Variants in MUC7 observed in about 807,000 individuals in gnomAD.
The protein encoded by MUC7 is mucin 7, secreted.
MUC7 carries 2 observed loss-of-function variants against 2.5 expected under a neutral mutation model. The ratio of observed to expected loss-of-function variants is 0.81; its 90% CI spans 0.33 to 2.55. MUC7 has a LOEUF of 2.55. MUC7 is among the 30% of genes most tolerant of loss of function. The pLI is 0.11. For synonymous variants in MUC7, 133 were observed against 173.4 expected (o/e 0.77, Z 1.83); for missense variants, 408 against 455.6 (o/e 0.90, Z 0.95).
At chr4:70,470,578 A>T (rs2130651), upstream of MUC7, among the ~76,000 whole-genome samples, 30,147 of 152,024 alleles carry the variant, frequency 0.2, 3,559 homozygotes, top group African/African-American at 0.32. Context: ...TAATTAGACA[A>T]TTTTTGAAAT....
At chr4:70,473,756 G>GA (rs1734909085) in intron 1 of MUC7, among the ~76,000 whole-genome samples, 1 of 152,084 alleles carries the variant, frequency 6.6e-6, no homozygotes, top group Admixed American at 6.5e-5. Context: ...AATATCAATA[G>GA]AAAATGCTCA....
At chr4:70,466,513 C>A (rs11937256) in intron 1 of MUC7, among the ~76,000 whole-genome samples, 51,682 of 151,678 alleles carry the variant, frequency 0.34, 9,532 homozygotes, top group East Asian at 0.59. Context: ...TTCAGGAGAC[C>A]CATCTTATGT....
chr4:70,460,128 C>T (rs1266196470), intron 1 of MUC7, among the ~76,000 whole-genome samples: 4 of 151,920 alleles, frequency 2.6e-5, no homozygotes, highest in African/African-American at 9.7e-5. Flanking sequence ...CTAGATCCTT[C>T]GCTGCTTTAG....
chr4:70,470,778 T>A (rs1734816288), upstream of MUC7, among the ~76,000 whole-genome samples: 2 of 152,266 alleles, frequency 1.3e-5, no homozygotes, highest in African/African-American at 4.8e-5. Context: ...CAAAAAAAGA[T>A]GAAAAGAAAT....
chr4:70,461,457 AGGAATAATATCTTTTG>A lies in MUC7; in HGVS notation c.-92-10755_-92-10740del, dbSNP rs1734554019. ...TTTTACTGATTTTCCAGTAGAATTA[AGGAATAATATCTTTTG>A]GGTATACTCTGCCTCCCTATTCTTG... On this transcript the variant is annotated intron_variant, in intron 1 of 3. Coordinates refer to the MUC7 transcript ENST00000413702. Among the ~76,000 whole-genome samples the A allele has an allele frequency of 3.3e-5, 5 of 152,334 alleles. No individual in the cohort carries two copies. The South Asian group carries it at 1.0e-3, about 32-fold the overall frequency.
At position 70,433,890 on chromosome 4, in the gene MUC7, A is replaced by T. The variant is rs144697048; in HGVS notation, c.-93+3203A>T. Among the ~76,000 whole-genome samples the T allele has an allele frequency of 2.0e-5, 3 of 152,214 alleles. No homozygotes were observed. In the South Asian group the frequency reaches 6.2e-4, roughly 32 times the overall value. On this transcript the variant is annotated intron_variant, in intron 1 of 3. Coordinates refer to the MUC7 transcript ENST00000413702. ...CATAAATAGCTCTTATTAATTTGAC[A>T]TATGTTCCATCAATACCTAGTTTAC... is the stretch of plus-strand genomic sequence containing the variant.
At chr4:70,478,325 GTACCTGCCATA>G (rs1383748370) in intron 2 of MUC7, among the ~76,000 whole-genome samples, 1 of 152,124 alleles carries the variant, frequency 6.6e-6, no homozygotes, top group Non-Finnish European at 1.5e-5. Context: ...TAGCTAATGA[GTACCTGCCATA>G]TGCCAGGCAT....
intron 1 of MUC7, among the ~76,000 whole-genome samples, chr4:70,444,801 C>A (rs1431490074): frequency 6.6e-6 from 1 of 152,112 alleles, no homozygotes; most frequent in Non-Finnish European, 1.5e-5. Flanking sequence ...CCTGTAATCC[C>A]AGCACTTTGG....
chr4:70,433,527 G>C (rs1265104926), intron 1 of MUC7, among the ~76,000 whole-genome samples: 8 of 151,930 alleles, frequency 5.3e-5, no homozygotes, highest in Non-Finnish European at 8.8e-5. Context: ...TTTTCTCTCA[G>C]TTTGTTATTG....
intron 1 of MUC7, among the ~76,000 whole-genome samples, chr4:70,455,893 C>A (rs936478958): frequency 1.3e-5 from 2 of 152,156 alleles, no homozygotes; most frequent in Non-Finnish European, 2.9e-5. Context: ...TCACCCTTCA[C>A]CACCCTCTTC....
intron 1 of MUC7, among the ~76,000 whole-genome samples, chr4:70,432,331 C>G (rs188242792): frequency 2.4e-4 from 36 of 152,318 alleles, no homozygotes; most frequent in Middle Eastern, 3.4e-3. Flanking sequence ...ACACTGTCTT[C>G]TATAATGGTT....
chr4:70,452,250 T>A (rs1734297353), intron 1 of MUC7, among the ~76,000 whole-genome samples: 1 of 152,200 alleles, frequency 6.6e-6, no homozygotes, highest in South Asian at 2.1e-4. Flanking sequence ...TCCATTTACA[T>A]TCAATGTTAT....
chr4:70,467,747 C>T (rs1734717669), upstream of MUC7, among the ~76,000 whole-genome samples: 1 of 152,160 alleles, frequency 6.6e-6, no homozygotes, highest in Non-Finnish European at 1.5e-5. Context: ...ATAACAAGTT[C>T]TGAAACTGAG....
intron 1 of MUC7, among the ~76,000 whole-genome samples, chr4:70,461,740 T>A (rs1309939058): frequency 6.6e-6 from 1 of 152,004 alleles, no homozygotes; most frequent in African/African-American, 2.4e-5. Context: ...CTTTTAAGAT[T>A]TGTAGATTAG....
intron 1 of MUC7, among the ~76,000 whole-genome samples, chr4:70,464,036 C>A (rs1400656841): frequency 6.6e-6 from 1 of 152,168 alleles, no homozygotes; most frequent in Non-Finnish European, 1.5e-5. Context: ...TTCTGCATTT[C>A]CAACTGAGAT....
At chr4:70,467,992 G>A (rs958103613), upstream of MUC7, among the ~76,000 whole-genome samples, 34 of 152,168 alleles carry the variant, frequency 2.2e-4, no homozygotes, top group Admixed American at 2.0e-3. Context: ...GATGAACATC[G>A]ATGCAAAAAT....
rs1431943560 is a variant in MUC7 at position 70,474,042 on chromosome 4, T to G, written c.21T>G (p.Phe7Leu). 5.6e-6 allele frequency: 9 copies of G among 1,613,358 alleles called. No homozygotes were observed. Among genetic ancestry groups the G allele is most frequent in the Admixed American group, 1.7e-5 (1 of 60,008 alleles). The change falls in exon 2 of 3, where the codon TTT (phenylalanine) becomes TTG (leucine). Residue 7 changes from phenylalanine to leucine, a missense_variant. Transcript: ENST00000304887. The part of the protein sequence containing the change: MKTLPL[F>L]VCICALSACF... ...AAAGAATGAAAACTCTGCCGCTGTT[T>G]GTGTGCATCTGTGCACTGAGTGCTT...
At chr4:70,451,156 G>T (rs1734270480) in intron 1 of MUC7, among the ~76,000 whole-genome samples, 1 of 152,178 alleles carries the variant, frequency 6.6e-6, no homozygotes, top group South Asian at 2.1e-4. Context: ...TCTGGCTAGG[G>T]CTGGTTTAAA....
Position 70,481,165 on chromosome 4 carries a change from T to A in MUC7, c.421T>A (p.Ser141Thr), listed in dbSNP as rs757630374. 1.8e-5 allele frequency: 29 copies of A among 1,614,010 alleles called. No homozygotes were observed. The highest frequency in any genetic ancestry group is 1.6e-4 in the Middle Eastern group (1 of 6,084). Reference protein sequence around the residue: ...FLPQNATTISSRENVNTSSSV... With the variant: ...FLPQNATTISTRENVNTSSSV... The stretch of plus-strand genomic sequence containing the variant: ...TCCCCAGAATGCCACCACCATATCT[T>A]CAAGAGAAAATGTTAACACAAGCTC... Residue 141 changes from serine (S) to threonine (T), a missense_variant, in exon 3 of 3, where the codon TCA (serine) becomes ACA (threonine). By Grantham distance (58) the Ser-to-Thr change is moderately conservative (BLOSUM62 1). Transcript: ENST00000304887.
Sources: allele counts gnomAD v4.1 joint callset (sites outside exome capture counted in the v4.1 genomes callset), GRCh38; gene constraint gnomAD v4.1.1; transcripts MANE v1.5; gene names NCBI Gene and HGNC (gene_info 2026-07-23, HGNC 2026-07-21).